GTF2IRD1: variants seen among roughly 807,000 people sequenced by gnomAD.
GTF2IRD1 encodes the protein GTF2I repeat domain containing 1.
A neutral mutation model predicts 113.2 loss-of-function variants in GTF2IRD1; 26 were observed. The observed-to-expected ratio is 0.23, with a 90% CI of 0.17 to 0.32. The LOEUF (loss-of-function observed/expected upper bound fraction) is 0.32, where lower values mean the gene tolerates loss of function less well. Ranked by LOEUF, GTF2IRD1 falls within the 10% of genes least tolerant of loss-of-function variation. The pLI is 1.00. For missense variants in GTF2IRD1, 864 were observed against 1,280.8 expected (o/e 0.67, Z 4.97); for synonymous variants, 484 against 529.1 (o/e 0.91, Z 1.17).
intron 1 of GTF2IRD1, among the ~76,000 whole-genome samples, chr7:74,501,718 C>G (rs927162798): frequency 1.3e-5 from 2 of 152,164 alleles, no homozygotes; most frequent in Admixed American, 1.3e-4. Context: ...GTGGCGTGAT[C>G]TCTGCTCACT....
At position 74,512,688 on chromosome 7, in the gene GTF2IRD1, A is replaced by C. The variant is rs77882047; in HGVS notation, c.124-142A>C. Reference sequence around the variant, plus strand: ...TCCCACTACAGAATCTGAGACCAAGAACAGTAGAGGGGCCGTCTGTCCCTG... The same window carrying C: ...TCCCACTACAGAATCTGAGACCAAGCACAGTAGAGGGGCCGTCTGTCCCTG... On this transcript the variant is annotated intron_variant, in intron 2 of 26. Coordinates refer to ENST00000424337, the MANE Select transcript of GTF2IRD1 (RefSeq NM_005685.4). The surrounding 1 kb of genome is among the most constrained non-coding windows in gnomAD (Gnocchi z 4.4). The C allele has an allele frequency of 4.9e-3, 3,379 of 694,612 alleles. 85 individuals carry two copies. Among genetic ancestry groups the C allele is most frequent in the African/African-American group, 0.048 (2,670 of 56,060 alleles). The allele number at this position is 694,612 out of a possible 1,614,324, so 43.0% of individuals were successfully genotyped here. A position where few individuals can be genotyped will look rare whatever the true frequency, so the allele number is the denominator to read the frequency against.
In GTF2IRD1 at chr7:74,527,277, C is replaced by A. The variant is rs1584605505; in HGVS notation, c.1091-2457C>A. On this transcript the variant is annotated intron_variant, in intron 8 of 26. Coordinates refer to ENST00000424337, the MANE Select transcript of GTF2IRD1 (RefSeq NM_005685.4). The stretch of plus-strand genomic sequence containing the variant: ...GCTGAGGCAAGAGGATCACTTGAGC[C>A]CAGGAGTTCAAGATCAGTCTGGGCA... 2.0e-5 allele frequency among the ~76,000 whole-genome samples: 3 copies of A among 152,158 alleles called. No individual in the cohort carries two copies. In the South Asian group the frequency reaches 6.2e-4, roughly 32 times the overall value.
intron 1 of GTF2IRD1, among the ~76,000 whole-genome samples, chr7:74,468,898 CA>C (rs1744682678): frequency 6.6e-6 from 1 of 151,746 alleles, no homozygotes; most frequent in Non-Finnish European, 1.5e-5. Flanking sequence ...TCCTGGCTAA[CA>C]TGGTGAAACC....
At chr7:74,594,249 G>A (rs587645656) in intron 24 of GTF2IRD1, among the ~76,000 whole-genome samples, 5 of 151,724 alleles carry the variant, frequency 3.3e-5, no homozygotes, top group East Asian at 2.0e-4. Flanking sequence ...GCATGGTGGT[G>A]TGCACCTGCC....
At chr7:74,473,769 A>G (rs1794241186) in intron 1 of GTF2IRD1, among the ~76,000 whole-genome samples, 1 of 151,952 alleles carries the variant, frequency 6.6e-6, no homozygotes, top group African/African-American at 2.4e-5. Flanking sequence ...ACAGCCCGCA[A>G]CCTTGGTAGC....
At chr7:74,566,374 G>A (rs1361938750) in intron 22 of GTF2IRD1, among the ~76,000 whole-genome samples, 2 of 150,728 alleles carry the variant, frequency 1.3e-5, no homozygotes. Context: ...ACGGAGTCTC[G>A]CTCTGTCCCC....
intron 13 of GTF2IRD1, among the ~76,000 whole-genome samples, chr7:74,539,121 C>T (rs868996489): frequency 2.0e-5 from 3 of 152,118 alleles, no homozygotes; most frequent in East Asian, 1.9e-4. Flanking sequence ...TAGATTTGGG[C>T]GCTGGAGCCT....
intron 1 of GTF2IRD1, among the ~76,000 whole-genome samples, chr7:74,472,484 C>T (rs1173689577): frequency 3.3e-5 from 5 of 152,138 alleles, no homozygotes; most frequent in African/African-American, 1.2e-4. Context: ...CAGTGGCTCA[C>T]GCCTGTAATC....
At chr7:74,581,215 T>G (rs1253607825) in intron 22 of GTF2IRD1, among the ~76,000 whole-genome samples, 1 of 152,094 alleles carries the variant, frequency 6.6e-6, no homozygotes, top group African/African-American at 2.4e-5. Context: ...AGAGATGAGG[T>G]TTCACCATGT....
intron 10 of GTF2IRD1, 47 bp from the exon 11 acceptor site, chr7:74,536,120 A>T (rs781972539): frequency 8.6e-7 from 1 of 1,164,558 alleles, no homozygotes; most frequent in East Asian, 2.3e-5. Context: ...CTGCAGCAAG[A>T]GGAGGCCAGA....
rs587629591 is a variant in GTF2IRD1, at chr7:74,535,599, G to A, written c.1300+461G>A. ...AGCCCATGCAGTGGCCCGTGGGCCA[G>A]CACACCTGTCCCAGGAGGAAGATGC... On this transcript the variant is annotated intron_variant, in intron 10 of 26. Transcript: ENST00000424337. 3.3e-5 allele frequency among the ~76,000 whole-genome samples: 5 copies of A among 152,344 alleles called. No homozygotes were observed. In the East Asian group the frequency reaches 9.7e-4, roughly 29 times the overall value.
intron 4 of GTF2IRD1, 21 bp from the exon 5 acceptor site, chr7:74,518,118 C>T (rs1797059205): frequency 1.3e-6 from 2 of 1,499,306 alleles, no homozygotes; most frequent in African/African-American, 1.4e-5. Flanking sequence ...CCAGGCCCCT[C>T]TCCTGGACTC....
At position 74,558,853 on chromosome 7, in the gene GTF2IRD1, G is replaced by A. The variant is rs73702616; in HGVS notation, c.2108-8G>A. The A allele has an allele frequency of 6.7e-3, 10,740 of 1,607,328 alleles. 516 individuals are homozygous for A. In the African/African-American group the frequency reaches 0.11, roughly 17 times the overall value. ...CCTGACGGGCAGGACCCTGCCTCTCGCCCACAGGGGAAGCCTTGGGCATCA... is the reference window on the plus strand; with the variant it reads ...CCTGACGGGCAGGACCCTGCCTCTCACCCACAGGGGAAGCCTTGGGCATCA... On this transcript the variant is annotated splice_region_variant and splice_polypyrimidine_tract_variant and intron_variant, in intron 20 of 26. Coordinates refer to ENST00000424337, the MANE Select transcript of GTF2IRD1 (RefSeq NM_005685.4).
At chr7:74,574,950 C>A (rs1448265316) in intron 22 of GTF2IRD1, among the ~76,000 whole-genome samples, 1 of 152,024 alleles carries the variant, frequency 6.6e-6, no homozygotes, top group Non-Finnish European at 1.5e-5. Context: ...ATTAGCCCAG[C>A]ATCATGACAC....
At chr7:74,554,351 G>A (rs1423717003) in intron 17 of GTF2IRD1, among the ~76,000 whole-genome samples, 1 of 152,154 alleles carries the variant, frequency 6.6e-6, no homozygotes, top group African/African-American at 2.4e-5. Context: ...GACAAAGAAG[G>A]TTGACTCATG....
chr7:74,589,935 G>C lies in GTF2IRD1; in HGVS notation c.2398+7G>C. 6.3e-7 allele frequency: 1 copy of C among 1,588,706 alleles called. No individual in the cohort carries two copies. Among genetic ancestry groups the C allele is most frequent in the Non-Finnish European group, 8.6e-7 (1 of 1,157,176 alleles). On this transcript the variant is annotated splice_region_variant and intron_variant, in intron 23 of 26. Transcript: ENST00000424337. ...CTCTTCAACGAGAAATACGGTCAGTGCCTGTGGTCAGGGTCAGCACACCAA... is the reference window on the plus strand; with the variant it reads ...CTCTTCAACGAGAAATACGGTCAGTCCCTGTGGTCAGGGTCAGCACACCAA...
chr7:74,518,382 G>T (rs372475898), intron 5 of GTF2IRD1, 60 bp downstream of exon 5: 1 of 1,359,666 alleles, frequency 7.4e-7, no homozygotes, highest in Admixed American at 2.4e-5. Flanking sequence ...GGTCAGGGCC[G>T]GGGGCTGGAG....
At chr7:74,465,736 C>CGTGGGGTGTGGGGT (rs1269479782) in intron 1 of GTF2IRD1, among the ~76,000 whole-genome samples, 1 of 151,986 alleles carries the variant, frequency 6.6e-6, no homozygotes, top group African/African-American at 2.4e-5. Flanking sequence ...CCCCTCTGTC[C>CGTGGGGTGTGGGGT]GTGGGGTGTG....
Position 74,558,233 on chromosome 7 carries a change from C to T in GTF2IRD1, c.2107+511C>T, listed in dbSNP as rs191803089. 5.7e-3 allele frequency among the ~76,000 whole-genome samples: 829 copies of T among 145,332 alleles called. 3 individuals are homozygous for T. Among genetic ancestry groups the T allele is most frequent in the African/African-American group, 0.013 (504 of 38,758 alleles). On this transcript the variant is annotated intron_variant, in intron 20 of 26. Transcript: ENST00000424337. ...GGGGGAGGTTGCAGTGAGCTGAGATCGCGCCATTGCATTCCAGCCTAGGCA... is the reference window on the plus strand; with the variant it reads ...GGGGGAGGTTGCAGTGAGCTGAGATTGCGCCATTGCATTCCAGCCTAGGCA...
Sources: gnomAD v4.1 joint callset for allele counts (sites outside exome capture counted in the v4.1 genomes callset) on GRCh38, gnomAD v4.1.1 for gene constraint, Gnocchi (gnomAD v3.1) non-coding constraint, MANE v1.5 for transcripts, NCBI Gene and HGNC (gene_info 2026-07-23, HGNC 2026-07-21) for gene names.